The following DNAJC13 variants were observed in gnomAD, a reference collection of about 807,000 sequenced individuals.
The protein encoded by DNAJC13 is dnaJ homolog subfamily C member 13.
Under a neutral mutation model 290.5 loss-of-function variants are expected in DNAJC13, and 75 were observed. That is an observed-to-expected ratio of 0.26 (90% confidence interval 0.21 to 0.31). The LOEUF is 0.31. DNAJC13 is among the 10% of genes least tolerant of loss of function. The pLI is 1.00. For missense variants in DNAJC13, 2,260 were observed against 2,674.5 expected (o/e 0.85, Z 3.42); for synonymous variants, 862 against 892.0 (o/e 0.97, Z 0.60).
At chr3:132,532,070 G>T (rs1936433291) in intron 55 of DNAJC13, among the ~76,000 whole-genome samples, 1 of 152,112 alleles carries the variant, frequency 6.6e-6, no homozygotes, top group Admixed American at 6.5e-5. Flanking sequence ...TGCTATAAAA[G>T]TTCTTAATTT....
chr3:132,524,082 T>C (rs994331303), intron 51 of DNAJC13: 1 of 165,238 alleles, frequency 6.1e-6, no homozygotes, highest in Non-Finnish European at 1.3e-5. Context: ...TGTGCTGCAC[T>C]CTACTTTGTG....
chr3:132,510,372 G>A (rs930046905), intron 43 of DNAJC13, among the ~76,000 whole-genome samples: 2 of 152,056 alleles, frequency 1.3e-5, no homozygotes, highest in Non-Finnish European at 2.9e-5. Context: ...GATCATATAG[G>A]GAGTTTTTGC....
At chr3:132,457,232 G>C in intron 12 of DNAJC13, 37 bp from the exon 13 acceptor site, 6 of 1,415,662 alleles carry the variant, frequency 4.2e-6, no homozygotes, top group Non-Finnish European at 5.9e-6. Flanking sequence ...AAAATGTTCT[G>C]GTATTGCTAG....
At chr3:132,503,191 C>G (rs1217465055) in intron 40 of DNAJC13, 23 bp from the exon 41 acceptor site, 6 of 1,610,432 alleles carry the variant, frequency 3.7e-6, no homozygotes, top group Non-Finnish European at 5.1e-6. Context: ...TCTACTTTAA[C>G]AACTTAATTT....
chr3:132,473,112 G>T (rs1445374744), intron 20 of DNAJC13, 33 bp from the exon 21 acceptor site: 1 of 1,472,762 alleles, frequency 6.8e-7, no homozygotes, highest in Non-Finnish European at 9.4e-7. Flanking sequence ...GGTAGCCCCA[G>T]ATTGAGCACT....
At position 132,453,638 on chromosome 3, in the gene DNAJC13, T is replaced by G. The variant is rs1484958537; in HGVS notation, c.784T>G (p.Leu262Val). The G allele has an allele frequency of 1.2e-6, 2 of 1,613,546 alleles. No homozygotes were observed. The highest frequency in any genetic ancestry group is 8.5e-7 in the Non-Finnish European group (1 of 1,179,836). The part of the protein sequence containing the change: ...KRVLALTETC[L>V]VERDPATYNI... Reference sequence around the variant, plus strand: ...AGTTCTAGCACTTACAGAAACATGTTTAGTAGAACGTGATCCGGCAACCTA... The same window carrying G: ...AGTTCTAGCACTTACAGAAACATGTGTAGTAGAACGTGATCCGGCAACCTA... Residue 262 changes from leucine to valine, a missense_variant, in exon 8 of 56, where the codon TTA becomes GTA. Leu to Val is a conservative substitution (Grantham distance 32). Coordinates refer to ENST00000260818, the MANE Select transcript of DNAJC13 (RefSeq NM_015268.4).
chr3:132,432,591 T>C (rs1939271149), intron 1 of DNAJC13, among the ~76,000 whole-genome samples: 1 of 152,196 alleles, frequency 6.6e-6, no homozygotes, highest in African/African-American at 2.4e-5. Context: ...TATTTAACTT[T>C]TATTCAAAAT....
At chr3:132,491,634 G>C (rs973699704) in intron 32 of DNAJC13, among the ~76,000 whole-genome samples, 1 of 152,112 alleles carries the variant, frequency 6.6e-6, no homozygotes, top group African/African-American at 2.4e-5. Context: ...AGATAACAGT[G>C]CCCAGCCAGT....
intron 2 of DNAJC13, 38 bp from the exon 3 acceptor site, chr3:132,446,437 G>T (rs763359708): frequency 1.7e-5 from 25 of 1,462,226 alleles, no homozygotes; most frequent in African/African-American, 2.8e-5. Context: ...ATATCTTTTT[G>T]TTTAAAACTA....
At chr3:132,471,157 G>A (rs558459436) in intron 20 of DNAJC13, among the ~76,000 whole-genome samples, 1,995 of 128,374 alleles carry the variant, frequency 0.016, 95 homozygotes, top group African/African-American at 0.053. Context: ...TGGCTGGCCC[G>A]GCTGAGGGGC....
rs1935334231 is a variant in DNAJC13 at position 132,499,199 on chromosome 3, C to T, written c.4230C>T (p.Leu1410=). The T allele has an allele frequency of 1.2e-6, 2 of 1,613,978 alleles. No homozygotes were observed. The highest frequency in any genetic ancestry group is 1.7e-6 in the Non-Finnish European group (2 of 1,179,980). The stretch of plus-strand genomic sequence containing the variant: ...TAACAATGGAAACTTCAGATGACCT[C>T]CTTTTCTCAAAAGAATCACCATTGT... ...RTITMETSDD[L]LFSKESPLLP... The change falls in exon 37 of 56, where the codon CTC becomes CTT. Residue 1410 remains leucine (L), a synonymous_variant. Transcript: ENST00000260818.
intron 16 of DNAJC13, 112 bp from the exon 17 acceptor site, chr3:132,463,584 C>G (rs964919422): frequency 1.6e-6 from 2 of 1,266,526 alleles, no homozygotes; most frequent in African/African-American, 1.6e-5. Flanking sequence ...TTAAAAACTT[C>G]TATTACATAC....
At chr3:132,528,052 A>T in intron 53 of DNAJC13, 137 bp from the exon 54 acceptor site, 2 of 806,044 alleles carry the variant, frequency 2.5e-6, no homozygotes, top group Non-Finnish European at 3.9e-6. Context: ...ATGTCATTAG[A>T]TACTTAAGCC....
chr3:132,466,228 T>C (rs1933976456), intron 18 of DNAJC13, 71 bp from the exon 19 acceptor site: 1 of 1,504,342 alleles, frequency 6.6e-7, no homozygotes, highest in Non-Finnish European at 9.0e-7. Context: ...GCCACAGTAT[T>C]AATTTATTTG....
Position 132,461,225 on chromosome 3 carries a change from T to A in DNAJC13, c.1713+20T>A. The A allele has an allele frequency of 3.7e-6, 6 of 1,613,354 alleles. No homozygotes were observed. The highest frequency in any genetic ancestry group is 4.2e-6 in the Non-Finnish European group (5 of 1,179,430). Reference sequence around the variant, plus strand: ...TTTCAGGTGAGAGCTTGTATTTTTCTTGTCAGATAACAGTGAATTTAAGGG... The same window carrying A: ...TTTCAGGTGAGAGCTTGTATTTTTCATGTCAGATAACAGTGAATTTAAGGG... On this transcript the variant is annotated intron_variant, in intron 15 of 55. Transcript: ENST00000260818.
At chr3:132,492,335 T>A in intron 32 of DNAJC13, 79 bp from the exon 33 acceptor site, 2 of 1,351,454 alleles carry the variant, frequency 1.5e-6, no homozygotes, top group Non-Finnish European at 2.1e-6. Flanking sequence ...CATGTAACTA[T>A]CTTACATGAT....
intron 29 of DNAJC13, among the ~76,000 whole-genome samples, chr3:132,487,328 C>T (rs1033456616): frequency 6.6e-6 from 1 of 152,118 alleles, no homozygotes; most frequent in Admixed American, 6.5e-5. Context: ...TCAATCTCTG[C>T]TCACTGCAAC....
At chr3:132,460,190 G>T in intron 13 of DNAJC13, 60 bp from the exon 14 acceptor site, 1 of 1,117,872 alleles carries the variant, frequency 8.9e-7, no homozygotes, top group Non-Finnish European at 1.3e-6. Context: ...TGACTTTTGC[G>T]TGATGCTAGC....
Position 132,505,294 on chromosome 3 carries a change from T to C in DNAJC13, c.4885-8T>C, listed in dbSNP as rs1279572787. 1 of 1,530,998 alleles carries C rather than the reference T, an allele frequency of 6.5e-7. No homozygotes were observed. Among genetic ancestry groups the C allele is most frequent in the Non-Finnish European group, 9.0e-7 (1 of 1,111,760 alleles). 94.8% of individuals were successfully genotyped at this position (1,530,998 alleles called of 1,614,324 possible). On this transcript the variant is annotated splice_polypyrimidine_tract_variant and splice_region_variant and intron_variant, in intron 41 of 55. Transcript: ENST00000260818. ...TAAATGTTATAAAACGGTAATATTG[T>C]CTCCTAGATTTTGAAGATGCTTAAC...
Sources: allele counts gnomAD v4.1 joint callset (sites outside exome capture counted in the v4.1 genomes callset), GRCh38; gene constraint gnomAD v4.1.1; transcripts MANE v1.5; gene names NCBI Gene and HGNC (gene_info 2026-07-23, HGNC 2026-07-21).